EBF4: variants seen among roughly 807,000 people sequenced by gnomAD.
EBF4 encodes transcription factor COE4.
A neutral mutation model predicts 67.1 loss-of-function variants in EBF4; 34 were observed. That is an observed-to-expected ratio of 0.51 (90% confidence interval 0.39 to 0.67). The LOEUF is 0.67. EBF4 is among the 30% of genes least tolerant of loss of function. The pLI is 0.00. For missense variants in EBF4, 837 were observed against 873.3 expected, an observed-to-expected ratio of 0.96 and a Z score of 0.52; for synonymous variants, 387 against 377.7, an observed-to-expected ratio of 1.02 and a Z score of -0.29.
intron 6 of EBF4, among the ~76,000 whole-genome samples, chr20:2,732,098 G>A (rs112677409): frequency 0.047 from 7,121 of 151,368 alleles, 563 homozygotes; most frequent in African/African-American, 0.16. Flanking sequence ...TTAGATACAT[G>A]TGCTTTTTTT....
chr20:2,706,202 A>G lies in EBF4; in HGVS notation c.359-7A>G, dbSNP rs1252900332. 1.9e-6 allele frequency: 3 copies of G among 1,552,026 alleles called. No homozygotes were observed. The highest frequency in any genetic ancestry group is 2.6e-6 in the Non-Finnish European group (3 of 1,147,074). The stretch of plus-strand genomic sequence containing the variant: ...AGCAGCAAGCCCTCTCCATCTTCCC[A>G]TCCTAGGACTGCGGACAGAGCAAGA... On this transcript the variant is annotated splice_polypyrimidine_tract_variant and splice_region_variant and intron_variant, in intron 3 of 16. Transcript: ENST00000609451.
At chr20:2,711,303 A>G (rs2087542161) in intron 6 of EBF4, among the ~76,000 whole-genome samples, 1 of 152,106 alleles carries the variant, frequency 6.6e-6, no homozygotes. Context: ...CTTTTTTGCC[A>G]CTGCAAAATA....
In EBF4 at chr20:2,744,487, C is replaced by CTTTTTTTTTTTTTTTTTTTTTTTTTTTTT. The variant is rs778840182; in HGVS notation, c.558-4058_558-4057insTTTTTTTTTTTTTTTTTTTTTTTTTTTTT. On this transcript the variant is annotated intron_variant, in intron 6 of 16. Transcript: ENST00000609451. ...TTTTTCTTTTCTTTTTTCTTTTTTT[C>CTTTTTTTTTTTTTTTTTTTTTTTTTTTTT]TTTTCTTTTTTTTTTTTTTTTTGAG... 1.1e-4 allele frequency among the ~76,000 whole-genome samples: 12 copies of CTTTTTTTTTTTTTTTTTTTTTTTTTTTTT among 111,468 alleles called. 1 individual carries two copies. The highest frequency in any genetic ancestry group is 1.4e-4 in the Non-Finnish European group (8 of 58,418). The allele number at this position is 111,468 out of a possible 152,430, so 73.1% of individuals were successfully genotyped here. A position where few individuals can be genotyped will look rare whatever the true frequency, so the allele number is the denominator to read the frequency against.
chr20:2,752,501 C>T (rs1476230389), exon 14 of EBF4: 1 of 1,256,562 alleles, frequency 8.0e-7, no homozygotes, highest in Non-Finnish European at 1.0e-6. Flanking sequence ...GTGCCTGGGT[C>T]CCCCAGCTTC....
intron 6 of EBF4, among the ~76,000 whole-genome samples, chr20:2,713,009 G>A (rs375961160): frequency 6.6e-6 from 1 of 152,320 alleles, no homozygotes; most frequent in East Asian, 1.9e-4. Context: ...GAGAGAACAG[G>A]AGGAGAGAGA....
chr20:2,695,691 G>T (rs1342655974), intron 1 of EBF4, among the ~76,000 whole-genome samples: 4 of 152,132 alleles, frequency 2.6e-5, no homozygotes, highest in Admixed American at 2.6e-4. Context: ...CACTACAGTT[G>T]TATCTGGTTC....
chr20:2,698,295 A>G (rs959735785), intron 1 of EBF4, among the ~76,000 whole-genome samples: 1 of 152,242 alleles, frequency 6.6e-6, no homozygotes, highest in African/African-American at 2.4e-5. Flanking sequence ...AGCAGGACCA[A>G]CTGGACACAG....
At chr20:2,737,818 A>G (rs1252152329) in intron 6 of EBF4, among the ~76,000 whole-genome samples, 1 of 16,418 alleles carries the variant, frequency 6.1e-5, no homozygotes, top group Non-Finnish European at 8.7e-5. Context: ...TAAAAATGTG[A>G]AAAAAAAAAA....
At chr20:2,757,403 C>T (rs555014736) in intron 15 of EBF4, among the ~76,000 whole-genome samples, 1 of 149,534 alleles carries the variant, frequency 6.7e-6, no homozygotes, top group East Asian at 2.0e-4. Flanking sequence ...CCCCTCTGCA[C>T]AGTTCAGGCA....
intron 6 of EBF4, among the ~76,000 whole-genome samples, chr20:2,744,509 T>TTTTTTTTTG (rs2088021016): frequency 6.9e-6 from 1 of 145,780 alleles, no homozygotes; most frequent in African/African-American, 2.6e-5. Context: ...TTTTTTTTTT[T>TTTTTTTTTG]GAGACAGGGT....
At chr20:2,705,472 A>G (rs1348229839) in intron 1 of EBF4, 105 bp from the exon 2 acceptor site, 10 of 1,494,690 alleles carry the variant, frequency 6.7e-6, no homozygotes, top group Non-Finnish European at 9.1e-6. Context: ...AACTCTTGGC[A>G]TCTTGGAGCC....
At chr20:2,740,070 T>C (rs1330304432) in intron 6 of EBF4, among the ~76,000 whole-genome samples, 2 of 152,242 alleles carry the variant, frequency 1.3e-5, no homozygotes, top group African/African-American at 4.8e-5. Flanking sequence ...TCCAGCACTT[T>C]GGGAGGCCAA....
chr20:2,722,133 C>T (rs766838139), intron 6 of EBF4, among the ~76,000 whole-genome samples: 14 of 152,066 alleles, frequency 9.2e-5, no homozygotes, highest in Admixed American at 2.0e-4. Context: ...ATCCTGGGCT[C>T]GAGCAGTCCT....
At chr20:2,752,735 A>G (rs1197394826) in intron 14 of EBF4, among the ~76,000 whole-genome samples, 190 bp downstream of exon 14, 1 of 152,094 alleles carries the variant, frequency 6.6e-6, no homozygotes, top group African/African-American at 2.4e-5. Flanking sequence ...CCCCACCCCT[A>G]GGCTGCACAT....
chr20:2,749,569 A>G, intron 8 of EBF4, 51 bp downstream of exon 8: 1 of 1,541,338 alleles, frequency 6.5e-7, no homozygotes, highest in Non-Finnish European at 8.8e-7. Context: ...CCAGCCCCCC[A>G]GGCCCCACCT....
rs905118359 is a variant in EBF4, at chr20:2,705,819, A to G, written c.294+86A>G. On this transcript the variant is annotated intron_variant, in intron 2 of 16. Transcript: ENST00000609451. The stretch of plus-strand genomic sequence containing the variant: ...CACACACACACACACACACACACAC[A>G]CACACACACACACACACACTGGGAC... The G allele has an allele frequency of 2.8e-6, 4 of 1,405,254 alleles. No individual in the cohort carries two copies. In the African/African-American group the frequency reaches 6.7e-5, roughly 24 times the overall value. The allele number at this position is 1,405,254 out of a possible 1,614,324, so 87.0% of individuals were successfully genotyped here. A position where few individuals can be genotyped will look rare whatever the true frequency, so the allele number is the denominator to read the frequency against.
At chr20:2,709,607 G>A in exon 6 of EBF4, 1 of 1,557,588 alleles carries the variant, frequency 6.4e-7, no homozygotes, top group Non-Finnish European at 8.7e-7. Flanking sequence ...GTGGCAACCG[G>A]AATGAGACGC....
At chr20:2,738,665 G>T (rs977477063) in intron 6 of EBF4, among the ~76,000 whole-genome samples, 1 of 152,040 alleles carries the variant, frequency 6.6e-6, no homozygotes, top group African/African-American at 2.4e-5. Flanking sequence ...GCAGCTGGGG[G>T]CCCCTTAGCA....
intron 6 of EBF4, among the ~76,000 whole-genome samples, chr20:2,726,683 G>T (rs568105120): frequency 1.5e-4 from 23 of 151,800 alleles, no homozygotes; most frequent in African/African-American, 5.6e-4. Flanking sequence ...TTATATTTTA[G>T]AATTTTCCCA....
Sources: gnomAD v4.1 joint callset for allele counts (sites outside exome capture counted in the v4.1 genomes callset) on GRCh38, gnomAD v4.1.1 for gene constraint, MANE v1.5 for transcripts, NCBI Gene and HGNC (gene_info 2026-07-23, HGNC 2026-07-21) for gene names.